Variants in HMGXB3 observed in about 807,000 individuals in gnomAD.
The protein encoded by HMGXB3 is HMG domain-containing protein 3.
In HMGXB3, 45 loss-of-function variants were observed where a neutral mutation model predicts 121.5. The observed-to-expected ratio is 0.37, with a 90% CI of 0.29 to 0.47. HMGXB3 has a LOEUF of 0.47. Ranked by LOEUF, HMGXB3 falls within the 20% of genes least tolerant of loss-of-function variation. The pLI is 0.99. For synonymous variants in HMGXB3, 590 were observed against 624.1 expected (o/e 0.95, Z 0.81); for missense variants, 1,376 against 1,602.2 (o/e 0.86, Z 2.41).
At position 150,042,110 on chromosome 5, in the gene HMGXB3, GATTTC is replaced by G. The variant is rs1581264805; in HGVS notation, c.2730+146_2730+150del. On this transcript the variant is annotated intron_variant, in intron 15 of 19. Transcript: ENST00000502717. ...GTGAGTTTTTCCTCCCACAGCCCAAGATTTCATTTAGGGAATGCCAGATGGAAATG... is the reference window on the plus strand; with the variant it reads ...GTGAGTTTTTCCTCCCACAGCCCAAGATTTAGGGAATGCCAGATGGAAATG... 5 of 592,020 alleles carry G rather than the reference GATTTC, an allele frequency of 8.4e-6. No homozygotes were observed. The East Asian group carries it at 1.2e-4, about 14-fold the overall frequency. The allele number at this position is 592,020 out of a possible 1,614,324, so 36.7% of individuals were successfully genotyped here.
chr5:150,005,629 A>G (rs1755683682), intron 2 of HMGXB3, among the ~76,000 whole-genome samples: 1 of 152,042 alleles, frequency 6.6e-6, no homozygotes. Context: ...AGAAAAAGAA[A>G]AAAAACACAC....
At chr5:150,024,233 A>G (rs978629257) in intron 6 of HMGXB3, 29 bp from the exon 7 acceptor site, 4 of 1,466,926 alleles carry the variant, frequency 2.7e-6, no homozygotes, top group Non-Finnish European at 2.7e-6. Context: ...AAAATCCCTT[A>G]TGTATACAAG....
At chr5:150,012,594 A>G (rs908246563) in intron 5 of HMGXB3, among the ~76,000 whole-genome samples, 13 of 152,188 alleles carry the variant, frequency 8.5e-5, no homozygotes, top group African/African-American at 2.9e-4. Flanking sequence ...ACTCACCTCA[A>G]GTTTTATACA....
chr5:150,051,948 C>A lies in HMGXB3; in HGVS notation c.3635C>A (p.Pro1212Gln). 1 of 1,552,344 alleles carries A rather than the reference C, an allele frequency of 6.4e-7. No homozygotes were observed. The highest frequency in any genetic ancestry group is 1.2e-5 in the South Asian group (1 of 84,064). Reference sequence around the variant, plus strand: ...CTGGCCTCCATCGTGGACAGCAAACCAAACGGTGTCCGCCAGCGGCCCATT... The same window carrying A: ...CTGGCCTCCATCGTGGACAGCAAACAAAACGGTGTCCGCCAGCGGCCCATT... ...TILASIVDSK[P>Q]NGVRQRPIAF... The change falls in exon 20 of 20, where the codon CCA (proline) becomes CAA (glutamine). Residue 1212 changes from proline to glutamine, a missense_variant. By Grantham distance (76) the Pro-to-Gln change is moderately conservative. Transcript: ENST00000502717.
chr5:150,042,725 G>A (rs902110116), intron 15 of HMGXB3, among the ~76,000 whole-genome samples: 4 of 152,226 alleles, frequency 2.6e-5, no homozygotes, highest in South Asian at 2.1e-4. Flanking sequence ...CCACTGAAGG[G>A]GTTGGAGGAA....
intron 9 of HMGXB3, among the ~76,000 whole-genome samples, chr5:150,028,612 G>A (rs563313462): frequency 7.1e-6 from 1 of 141,756 alleles, no homozygotes; most frequent in East Asian, 2.1e-4. Flanking sequence ...TGTTGCCCAG[G>A]CCGGAGTGCA....
At chr5:150,045,925 T>G (rs1756745369) in intron 16 of HMGXB3, among the ~76,000 whole-genome samples, 1 of 152,214 alleles carries the variant, frequency 6.6e-6, no homozygotes, top group East Asian at 1.9e-4. Context: ...GTCAGCCTTC[T>G]GGGATACACA....
chr5:150,034,292 A>G (rs181843465), intron 11 of HMGXB3, among the ~76,000 whole-genome samples: 10 of 152,188 alleles, frequency 6.6e-5, no homozygotes, highest in Non-Finnish European at 1.3e-4. Flanking sequence ...ATGAGACCAC[A>G]ATCTCTTCTA....
At chr5:150,019,627 C>G (rs10038610) in intron 6 of HMGXB3, among the ~76,000 whole-genome samples, 13,529 of 152,140 alleles carry the variant, frequency 0.089, 2,000 homozygotes, top group African/African-American at 0.31. Context: ...AGGACTGAGA[C>G]AGACAGGCAA....
chr5:150,039,292 T>A (rs1756569593), intron 13 of HMGXB3, among the ~76,000 whole-genome samples: 1 of 152,200 alleles, frequency 6.6e-6, no homozygotes. Context: ...TCTCTCCATT[T>A]TAATAGGTTG....
chr5:150,011,083 C>T (rs544477749), intron 4 of HMGXB3, among the ~76,000 whole-genome samples: 2 of 152,306 alleles, frequency 1.3e-5, no homozygotes, highest in South Asian at 4.1e-4. Context: ...TTGTCCATCA[C>T]ACTGGCTCCC....
At chr5:150,046,361 A>G (rs1340481112) in intron 16 of HMGXB3, among the ~76,000 whole-genome samples, 1 of 152,256 alleles carries the variant, frequency 6.6e-6, no homozygotes, top group Admixed American at 6.5e-5. Context: ...ATTCGTACAT[A>G]TGCAAGTGTG....
intron 5 of HMGXB3, among the ~76,000 whole-genome samples, chr5:150,016,578 A>G (rs1045262358): frequency 3.9e-5 from 6 of 152,174 alleles, no homozygotes; most frequent in Admixed American, 3.3e-4. Context: ...TTTAAAAATT[A>G]TTGTTACATC....
chr5:150,023,368 A>G (rs140136284), intron 6 of HMGXB3, among the ~76,000 whole-genome samples: 1 of 152,274 alleles, frequency 6.6e-6, no homozygotes, highest in East Asian at 1.9e-4. Flanking sequence ...ATAAGGGGAA[A>G]TGAGGATTCA....
In HMGXB3 at chr5:150,052,033, C is replaced by T; in HGVS notation, c.3720C>T (p.Ser1240=). The change falls in exon 20 of 20, where the codon AGC becomes AGT. Residue 1240 remains serine (S), a synonymous_variant. Transcript: ENST00000502717. The part of the protein sequence containing the change: ...LYNRLMDFLT[S]REIVNRQIHD... Reference sequence around the variant, plus strand: ...ACCGCCTCATGGACTTCCTCACCAGCCGCGAAATTGTCAATCGTCAGATCC... The same window carrying T: ...ACCGCCTCATGGACTTCCTCACCAGTCGCGAAATTGTCAATCGTCAGATCC... 6.4e-7 allele frequency: 1 copy of T among 1,552,098 alleles called. No homozygotes were observed. Among genetic ancestry groups the T allele is most frequent in the Non-Finnish European group, 8.7e-7 (1 of 1,147,072 alleles).
intron 19 of HMGXB3, 120 bp from the exon 20 acceptor site, chr5:150,051,605 C>G (rs1236019579): frequency 7.9e-5 from 63 of 798,166 alleles, no homozygotes; most frequent in Non-Finnish European, 9.7e-5. Flanking sequence ...CTAGGAGACA[C>G]AGTACATGGT....
intron 9 of HMGXB3, among the ~76,000 whole-genome samples, chr5:150,029,340 T>TC (rs1416769889): frequency 6.6e-6 from 1 of 151,818 alleles, no homozygotes; most frequent in African/African-American, 2.4e-5. Flanking sequence ...GTTTTTTTTT[T>TC]TTTTTTCATG....
chr5:150,022,005 C>T (rs902501347), intron 6 of HMGXB3: 2 of 373,584 alleles, frequency 5.4e-6, no homozygotes, highest in African/African-American at 2.1e-5. Context: ...CAGGAGCGGG[C>T]GGACCGCAGC....
Position 150,024,635 on chromosome 5 carries a change from G to A in HMGXB3, c.1415G>A (p.Gly472Glu), listed in dbSNP as rs1756183001. The change falls in exon 7 of 20, where the codon GGG becomes GAG. Residue 472 changes from glycine to glutamate, a missense_variant. Gly to Glu is a moderately conservative substitution (Grantham distance 98, BLOSUM62 -2). This residue lies in a region of HMGXB3 where 1,116 missense variants were observed against 1,369.0 expected (regional missense o/e 0.82). Transcript: ENST00000502717. The part of the protein sequence containing the change: ...PGADVPTPSE[G>E]TSTSSPLPAP... ...GCAGACGTACCAACACCATCCGAGG[G>A]GACAAGTACCTCCAGTCCACTCCCT... 5 of 1,551,368 alleles carry A rather than the reference G, an allele frequency of 3.2e-6. No homozygotes were observed. Among genetic ancestry groups the A allele is most frequent in the East Asian group, 2.4e-5 (1 of 40,932 alleles).
Sources: gnomAD v4.1 joint callset for allele counts (sites outside exome capture counted in the v4.1 genomes callset) on GRCh38, gnomAD v4.1.1 for gene constraint, gnomAD v4.1.1 regional missense constraint, MANE v1.5 for transcripts, NCBI Gene and HGNC (gene_info 2026-07-23, HGNC 2026-07-21) for gene names.